The following SHC3 variants were observed in gnomAD, a reference collection of about 807,000 sequenced individuals.
SHC3 encodes SHC adaptor protein 3, also known as SHC-transforming protein 3.
Under a neutral mutation model 60.4 loss-of-function variants are expected in SHC3, and 15 were observed. The observed-to-expected ratio is 0.25, with a 90% confidence interval of 0.17 to 0.38. The LOEUF is 0.38. Among genes scored for constraint, SHC3 ranks in the 10% least tolerant of loss-of-function variants. The probability of loss-of-function intolerance (pLI) is 1.00; values close to 1 mark genes in which losing one functional copy is unlikely to be tolerated. For synonymous variants in SHC3, 294 were observed against 325.9 expected (o/e 0.90, Z 1.05); for missense variants, 677 against 786.1 (o/e 0.86, Z 1.66).
intron 1 of SHC3, among the ~76,000 whole-genome samples, chr9:89,171,714 T>C (rs1278292917): frequency 1.3e-5 from 2 of 152,232 alleles, no homozygotes; most frequent in Non-Finnish European, 1.5e-5. Flanking sequence ...GAAGCTCCAA[T>C]GGACAGGGTA....
intron 1 of SHC3, among the ~76,000 whole-genome samples, chr9:89,142,673 CAAAAAA>C (rs769333860): frequency 1.2e-5 from 1 of 83,712 alleles, no homozygotes; most frequent in East Asian, 4.5e-4. Context: ...GAGACTCTGT[CAAAAAA>C]AAAAAAAAAA....
chr9:89,084,036 A>G (rs1212866580), intron 2 of SHC3, among the ~76,000 whole-genome samples: 1 of 152,260 alleles, frequency 6.6e-6, no homozygotes, highest in Non-Finnish European at 1.5e-5. Context: ...AGAAACTGAG[A>G]GTCAGAAATC....
chr9:89,025,229 TAC>T (rs1374517097), intron 11 of SHC3, among the ~76,000 whole-genome samples: 2 of 151,316 alleles, frequency 1.3e-5, no homozygotes, highest in African/African-American at 2.4e-5. Flanking sequence ...CACACACACA[TAC>T]ACACACACAC....
intron 11 of SHC3, among the ~76,000 whole-genome samples, chr9:89,018,441 T>A (rs970823262): frequency 6.6e-6 from 1 of 151,650 alleles, no homozygotes. Context: ...AATTGAACAA[T>A]GAGAACACAT....
chr9:89,045,065 C>T (rs551158399), intron 9 of SHC3, among the ~76,000 whole-genome samples: 1 of 152,148 alleles, frequency 6.6e-6, no homozygotes, highest in East Asian at 1.9e-4. Context: ...TCAACCTCCA[C>T]CTTAGAGTTG....
chr9:89,080,424 T>G (rs1204068083), intron 2 of SHC3, among the ~76,000 whole-genome samples: 1 of 152,132 alleles, frequency 6.6e-6, no homozygotes, highest in East Asian at 1.9e-4. Context: ...GTCCTCATGA[T>G]TTCACCATCT....
At chr9:89,037,898 G>A in intron 11 of SHC3, 95 bp downstream of exon 11, 3 of 1,461,882 alleles carry the variant, frequency 2.1e-6, no homozygotes, top group Non-Finnish European at 2.8e-6. Context: ...TGTGGATAGA[G>A]GTGGGAATGT....
intron 11 of SHC3, among the ~76,000 whole-genome samples, chr9:89,037,024 T>C (rs889439746): frequency 8.6e-5 from 13 of 150,462 alleles, no homozygotes; most frequent in African/African-American, 3.2e-4. Flanking sequence ...AGGAAGTGGC[T>C]GTCTCCGCGG....
intron 2 of SHC3, among the ~76,000 whole-genome samples, chr9:89,093,993 A>G (rs1466728486): frequency 2.6e-5 from 4 of 151,706 alleles, no homozygotes; most frequent in Non-Finnish European, 5.9e-5. Flanking sequence ...AATCCCAGCT[A>G]CTCAGGAGGC....
At chr9:89,086,660 C>T (rs1217159758) in intron 2 of SHC3, among the ~76,000 whole-genome samples, 2 of 152,162 alleles carry the variant, frequency 1.3e-5, no homozygotes, top group African/African-American at 2.4e-5. Flanking sequence ...GCCCTTCTCC[C>T]CTCTCCAGAG....
At chr9:89,165,789 TCC>T (rs1826779972) in intron 1 of SHC3, among the ~76,000 whole-genome samples, 1 of 152,064 alleles carries the variant, frequency 6.6e-6, no homozygotes, top group Non-Finnish European at 1.5e-5. Flanking sequence ...TTAAAAGGCC[TCC>T]GAAATGGTAG....
At position 89,047,799 on chromosome 9, in the gene SHC3, T is replaced by A. The variant is rs79341668; in HGVS notation, c.963-805A>T. Among the ~76,000 whole-genome samples, 1,079 of 152,348 alleles carry A rather than the reference T, an allele frequency of 7.1e-3. 13 individuals are homozygous for A. The highest frequency in any genetic ancestry group is 0.025 in the African/African-American group (1,025 of 41,566). On this transcript the variant is annotated intron_variant, in intron 7 of 11. Coordinates refer to ENST00000375835, the MANE Select transcript of SHC3 (RefSeq NM_016848.6). ...CCCTCACACATTGCTCATGGGACTG[T>A]AAAATGGTGCAGCCACTTTAGAAAA...
intron 11 of SHC3, among the ~76,000 whole-genome samples, chr9:89,017,872 A>G (rs1006640237): frequency 1.3e-5 from 2 of 152,256 alleles, no homozygotes; most frequent in South Asian, 4.1e-4. Flanking sequence ...ACATTTATTT[A>G]GCCAACAAAC....
chr9:89,166,901 C>G (rs1440946759), intron 1 of SHC3, among the ~76,000 whole-genome samples: 1 of 152,192 alleles, frequency 6.6e-6, no homozygotes, highest in Non-Finnish European at 1.5e-5. Context: ...CTGTATTACA[C>G]TTTGCTGTTG....
chr9:89,108,313 G>A (rs1340341443), intron 2 of SHC3, among the ~76,000 whole-genome samples: 1 of 151,430 alleles, frequency 6.6e-6, no homozygotes, highest in African/African-American at 2.4e-5. Context: ...AGGAGTTAGA[G>A]AGCAGCCTGG....
At chr9:89,028,452 T>G (rs1826356491) in intron 11 of SHC3, among the ~76,000 whole-genome samples, 1 of 148,406 alleles carries the variant, frequency 6.7e-6, no homozygotes, top group Admixed American at 6.7e-5. Context: ...AAAAAAAAGT[T>G]AAACAATTTA....
intron 11 of SHC3, among the ~76,000 whole-genome samples, chr9:89,035,363 A>G (rs1824554282): frequency 6.6e-6 from 1 of 152,106 alleles, no homozygotes; most frequent in Non-Finnish European, 1.5e-5. Flanking sequence ...TTCTAAAATC[A>G]GTATAAAGAA....
chr9:89,065,444 G>C (rs1459513216), intron 6 of SHC3, 85 bp downstream of exon 6: 1 of 1,368,222 alleles, frequency 7.3e-7, no homozygotes. Context: ...TTGGGAGGGG[G>C]CTGAGATAAC....
rs111285460 is a variant in SHC3 at position 89,121,238 on chromosome 9, G to T, written c.475-8612C>A. ...CACATATGCACTCACCCAAAGAACT[G>T]AGATCAAGAAATTCTTTCACCAATG... On this transcript the variant is annotated intron_variant, in intron 1 of 11. Coordinates refer to ENST00000375835, the MANE Select transcript of SHC3 (RefSeq NM_016848.6). Among the ~76,000 whole-genome samples the T allele has an allele frequency of 7.7e-3, 1,169 of 151,900 alleles. 20 individuals are homozygous for T. The highest frequency in any genetic ancestry group is 0.027 in the African/African-American group (1,107 of 41,446).
Sources: allele counts gnomAD v4.1 joint callset (sites outside exome capture counted in the v4.1 genomes callset), GRCh38; gene constraint gnomAD v4.1.1; transcripts MANE v1.5; gene names NCBI Gene and HGNC (gene_info 2026-07-23, HGNC 2026-07-21).